ZZEF1: variants seen among roughly 807,000 people sequenced by gnomAD.
The protein encoded by ZZEF1 is zinc finger ZZ-type and EF-hand domain containing 1.
A neutral mutation model predicts 342.8 loss-of-function variants in ZZEF1; 157 were observed. That is an observed-to-expected ratio of 0.46 (90% CI 0.40 to 0.52). The LOEUF (loss-of-function observed/expected upper bound fraction) is 0.52, where lower values mean the gene tolerates loss of function less well. Among genes scored for constraint, ZZEF1 ranks in the 20% least tolerant of loss-of-function variants. The probability of loss-of-function intolerance (pLI) is 0.00; values close to 1 mark genes in which losing one functional copy is unlikely to be tolerated. For synonymous variants in ZZEF1, 1,505 were observed against 1,429.1 expected (o/e 1.05, Z -1.20); for missense variants, 3,480 against 3,725.6 (o/e 0.93, Z 1.72).
At chr17:4,024,344 C>T (rs757104889) in intron 43 of ZZEF1, among the ~76,000 whole-genome samples, 17 of 151,846 alleles carry the variant, frequency 1.1e-4, no homozygotes, top group Non-Finnish European at 1.6e-4. Flanking sequence ...ATTACAGGCA[C>T]GTACCACCAC....
At chr17:4,107,001 C>T (rs914801159) in intron 6 of ZZEF1, among the ~76,000 whole-genome samples, 1 of 152,184 alleles carries the variant, frequency 6.6e-6, no homozygotes, top group Admixed American at 6.5e-5. Flanking sequence ...TTTGGGGTTG[C>T]ACAAACATGG....
In ZZEF1 at chr17:4,019,849, G is replaced by A. The variant is rs554694192; in HGVS notation, c.7405-80C>T. On this transcript the variant is annotated intron_variant, in intron 45 of 54. Transcript: ENST00000381638. ...ATTGATCAACTGAACTCAAAACTGA[G>A]AAGACAATATAGCAAAAGCTGCCAC... 3.2e-4 allele frequency: 340 copies of A among 1,064,616 alleles called. 3 individuals are homozygous for A. The African/African-American group carries it at 4.9e-3, about 15-fold the overall frequency. The allele number at this position is 1,064,616 out of a possible 1,614,324, so 65.9% of individuals were successfully genotyped here.
At chr17:4,039,385 G>A (rs140090033) in intron 39 of ZZEF1, among the ~76,000 whole-genome samples, 15 of 152,106 alleles carry the variant, frequency 9.9e-5, no homozygotes, top group African/African-American at 1.7e-4. Flanking sequence ...CACAAGGATC[G>A]CTTGAACCCA....
At chr17:4,080,354 G>A (rs139644141) in intron 18 of ZZEF1, among the ~76,000 whole-genome samples, 1 of 151,136 alleles carries the variant, frequency 6.6e-6, no homozygotes, top group African/African-American at 2.4e-5. Flanking sequence ...TTGTTTGTTT[G>A]TTTTGAGACA....
chr17:4,032,404 G>T, intron 41 of ZZEF1, 146 bp from the exon 42 acceptor site: 1 of 924,698 alleles, frequency 1.1e-6, no homozygotes, highest in Non-Finnish European at 1.6e-6. Context: ...TAAGTCCAAA[G>T]AGTCTGCCAC....
chr17:4,111,834 G>A (rs1280039643), intron 5 of ZZEF1, among the ~76,000 whole-genome samples: 1 of 145,430 alleles, frequency 6.9e-6, no homozygotes, highest in African/African-American at 2.5e-5. Context: ...AGGAGTTTGA[G>A]ATCAACCTGG....
intron 8 of ZZEF1, 76 bp from the exon 9 acceptor site, chr17:4,102,491 A>T: frequency 7.7e-7 from 1 of 1,300,570 alleles, no homozygotes; most frequent in Non-Finnish European, 1.1e-6. Context: ...ATCTGTGGAA[A>T]TAGAGTCCTG....
chr17:4,065,761 A>G (rs2145241701), intron 28 of ZZEF1, among the ~76,000 whole-genome samples: 1 of 152,332 alleles, frequency 6.6e-6, no homozygotes, highest in South Asian at 2.1e-4. Context: ...TGAGTTTTAA[A>G]AAATAACAAC....
At chr17:4,137,437 C>G (rs563846865) in intron 1 of ZZEF1, among the ~76,000 whole-genome samples, 16 of 152,106 alleles carry the variant, frequency 1.1e-4, no homozygotes, top group African/African-American at 3.4e-4. Context: ...GGTGAAACCC[C>G]GTCTCTTACT....
chr17:4,064,569 G>C lies in ZZEF1; in HGVS notation c.4510C>G (p.Pro1504Ala). 6.2e-7 allele frequency: 1 copy of C among 1,614,190 alleles called. No individual in the cohort carries two copies. Among genetic ancestry groups the C allele is most frequent in the Non-Finnish European group, 8.5e-7 (1 of 1,180,034 alleles). ...GTGGCAGGGGACACGTCTGCAGCAGGAAGGCCACTGCTGGATGGCAGCTTT... is the reference window on the plus strand; with the variant it reads ...GTGGCAGGGGACACGTCTGCAGCAGCAAGGCCACTGCTGGATGGCAGCTTT... ...QPKLPSSSGL[P>A]AADVSPATAE... Residue 1504 changes from proline to alanine, a missense_variant, in exon 29 of 55, where the codon CCT (proline) becomes GCT (alanine). Physicochemically the swap from Pro to Ala is conservative, Grantham distance 27. Around this residue, in one of 5 missense-constraint regions of ZZEF1, gnomAD observed 1,528 missense variants for 1,624.1 expected, o/e 0.94. Coordinates refer to ENST00000381638, the MANE Select transcript of ZZEF1 (RefSeq NM_015113.4).
intron 34 of ZZEF1, among the ~76,000 whole-genome samples, chr17:4,052,638 A>G (rs2057074109): frequency 6.6e-6 from 1 of 152,350 alleles, no homozygotes; most frequent in South Asian, 2.1e-4. Context: ...AGGCCGAGGC[A>G]GGCAGATCGC....
At chr17:4,035,750 G>T (rs181697209) in intron 39 of ZZEF1, among the ~76,000 whole-genome samples, 38 of 152,324 alleles carry the variant, frequency 2.5e-4, no homozygotes, top group African/African-American at 6.5e-4. Context: ...GCAGCCTGTT[G>T]CGGGTGAGGG....
chr17:4,124,961 T>C (rs964432662), intron 1 of ZZEF1, among the ~76,000 whole-genome samples: 1 of 152,216 alleles, frequency 6.6e-6, no homozygotes, highest in Admixed American at 6.5e-5. Flanking sequence ...TTTACCTCCA[T>C]AAGCCACAGC....
At chr17:4,113,418 G>T (rs540887581) in intron 4 of ZZEF1, among the ~76,000 whole-genome samples, 2 of 152,244 alleles carry the variant, frequency 1.3e-5, no homozygotes, top group Non-Finnish European at 2.9e-5. Flanking sequence ...GGCCAGGCAC[G>T]GTGGCTCACG....
chr17:4,127,167 A>G (rs534711962), intron 1 of ZZEF1, among the ~76,000 whole-genome samples: 1 of 152,140 alleles, frequency 6.6e-6, no homozygotes, highest in Non-Finnish European at 1.5e-5. Context: ...CACCTGGCTG[A>G]TCCTTTAATT....
rs147940704 is a variant in ZZEF1, at chr17:4,009,472, T to C, written c.8733+132A>G. The C allele has an allele frequency of 2.6e-5, 33 of 1,266,178 alleles. No homozygotes were observed. The East Asian group carries it at 6.1e-4, about 23-fold the overall frequency. The allele number at this position is 1,266,178 out of a possible 1,614,324, so 78.4% of individuals were successfully genotyped here. A position where few individuals can be genotyped will look rare whatever the true frequency, so the allele number is the denominator to read the frequency against. ...GGCGAGAGCCTCAGACTCTCAGCCATGCCTGTCCTGTGTGGCCTGTCGAGA... is the reference window on the plus strand; with the variant it reads ...GGCGAGAGCCTCAGACTCTCAGCCACGCCTGTCCTGTGTGGCCTGTCGAGA... On this transcript the variant is annotated intron_variant, in intron 53 of 54. Transcript: ENST00000381638.
In ZZEF1 at chr17:4,086,601, G is replaced by A. The variant is rs2057830499; in HGVS notation, c.2397C>T (p.Ser799=). ...AQTLLLQLLQ[S]CFSVLQGDVL... Reference sequence around the variant, plus strand: ...CATCTCCCTGCAGCACAGAGAAGCAGCTCTGGAGTAGCTGCAGAAGCAGGG... The same window carrying A: ...CATCTCCCTGCAGCACAGAGAAGCAACTCTGGAGTAGCTGCAGAAGCAGGG... Residue 799 remains serine (S), a synonymous_variant, in exon 15 of 55, where the codon AGC becomes AGT. Transcript: ENST00000381638. 3 of 1,614,192 alleles carry A rather than the reference G, an allele frequency of 1.9e-6. No individual in the cohort carries two copies. The highest frequency in any genetic ancestry group is 2.5e-6 in the Non-Finnish European group (3 of 1,180,038).
intron 43 of ZZEF1, 80 bp downstream of exon 43, chr17:4,024,839 G>T: frequency 7.4e-7 from 1 of 1,347,702 alleles, no homozygotes; most frequent in Non-Finnish European, 1.1e-6. Context: ...GAAATCAGAT[G>T]GCATTTCCTC....
rs775916771 is a variant in ZZEF1 at position 4,104,763 on chromosome 17, G to A, written c.1443C>T (p.Leu481=). ...EVELTLLAFA[L]ARGSVAKVMS... is the part of the protein sequence containing the mutation. ...TGACTTTGGCAACACTTCCTCTTGC[G>A]AGAGCAAAAGCCAGAAGAGTCAGTT... The change falls in exon 8 of 55, where the codon CTC becomes CTT. Residue 481 remains leucine (L), a synonymous_variant. Coordinates refer to ENST00000381638, the MANE Select transcript of ZZEF1 (RefSeq NM_015113.4). The A allele has an allele frequency of 1.4e-5, 23 of 1,614,012 alleles. No individual in the cohort carries two copies. The highest frequency in any genetic ancestry group is 1.9e-5 in the Non-Finnish European group (22 of 1,180,012).
Sources: gnomAD v4.1 joint callset for allele counts (sites outside exome capture counted in the v4.1 genomes callset) on GRCh38, gnomAD v4.1.1 for gene constraint, gnomAD v4.1.1 regional missense constraint, MANE v1.5 for transcripts, NCBI Gene and HGNC (gene_info 2026-07-23, HGNC 2026-07-21) for gene names.